NANOGNB: variants seen among roughly 807,000 people sequenced by gnomAD.
The protein encoded by NANOGNB is homeobox C14.
In NANOGNB, 30 loss-of-function variants were observed where a neutral mutation model predicts 25.0. The ratio of observed to expected loss-of-function variants is 1.20; its 90% CI spans 0.90 to 1.63. The LOEUF (loss-of-function observed/expected upper bound fraction) is 1.63. NANOGNB is among the 40% of genes most tolerant of loss of function. The pLI is 0.00. For missense variants in NANOGNB, 200 were observed against 188.1 expected, an observed-to-expected ratio of 1.06 and a Z score of -0.37; for synonymous variants, 84 against 62.1, an observed-to-expected ratio of 1.35 and a Z score of -1.66.
chr12:7,769,024 TA>T (rs1381358372), intron 1 of NANOGNB, among the ~76,000 whole-genome samples: 1 of 152,106 alleles, frequency 6.6e-6, no homozygotes, highest in Non-Finnish European at 1.5e-5. Flanking sequence ...TCCAATCAGT[TA>T]AGGCTTTAAG....
At chr12:7,768,657 G>A (rs192514300) in intron 1 of NANOGNB, among the ~76,000 whole-genome samples, 1 of 151,298 alleles carries the variant, frequency 6.6e-6, no homozygotes, top group Non-Finnish European at 1.5e-5. Flanking sequence ...CTCAGCCTCC[G>A]GAGTAGCTGG....
chr12:7,766,739 G>A (rs1865249667), intron 1 of NANOGNB, among the ~76,000 whole-genome samples: 2 of 152,084 alleles, frequency 1.3e-5, no homozygotes, highest in African/African-American at 4.8e-5. Context: ...TGTTGGCCAG[G>A]CTGGTCCTGA....
intron 1 of NANOGNB, chr12:7,766,138 A>T (rs1476562770): frequency 1.3e-5 from 5 of 398,486 alleles, no homozygotes; most frequent in Admixed American, 8.8e-5. Context: ...GTGGAGAGAG[A>T]TCCCGATACT....
chr12:7,769,959 TA>T, intron 1 of NANOGNB, 23 bp from the exon 2 acceptor site: 1 of 1,470,546 alleles, frequency 6.8e-7, no homozygotes, highest in Non-Finnish European at 9.0e-7. Flanking sequence ...AGCTTGATTT[TA>T]TTCCACGGAT....
At chr12:7,773,687 T>C in intron 3 of NANOGNB, 113 bp from the exon 4 acceptor site, 1 of 449,644 alleles carries the variant, frequency 2.2e-6, no homozygotes, top group Non-Finnish European at 3.8e-6. Context: ...ATTGTGCCAT[T>C]GCACTCCAGC....
At chr12:7,766,880 GC>G (rs1865250944) in intron 1 of NANOGNB, among the ~76,000 whole-genome samples, 1 of 152,114 alleles carries the variant, frequency 6.6e-6, no homozygotes, top group Non-Finnish European at 1.5e-5. Context: ...TTGCTCTGTT[GC>G]CCAGGCTGGA....
At chr12:7,771,546 C>G (rs1862565473) in intron 3 of NANOGNB, among the ~76,000 whole-genome samples, 2 of 151,728 alleles carry the variant, frequency 1.3e-5, no homozygotes, top group African/African-American at 4.8e-5. Context: ...CAGCACTAGA[C>G]CGTATATAGA....
chr12:7,767,757 CTTT>C (rs59800416), intron 1 of NANOGNB, among the ~76,000 whole-genome samples: 1 of 136,842 alleles, frequency 7.3e-6, no homozygotes, highest in African/African-American at 2.7e-5. Context: ...CCTTTTTCCT[CTTT>C]TTTTTTTTTT....
At chr12:7,773,122 T>TG (rs1395095836) in intron 3 of NANOGNB, among the ~76,000 whole-genome samples, 6 of 149,400 alleles carry the variant, frequency 4.0e-5, no homozygotes, top group African/African-American at 7.4e-5. Context: ...CTGTGATAGT[T>TG]TTTTTTTTTT....
rs371824042 is a variant in NANOGNB at position 7,767,686 on chromosome 12, A to G, written c.103-2297A>G. ...TAGGTTTGCCTATGCTGGACATTTC[A>G]TATAAACAGAATCATACAATATATG... On this transcript the variant is annotated intron_variant, in intron 1 of 3. Transcript: ENST00000382119. 5.3e-5 allele frequency among the ~76,000 whole-genome samples: 8 copies of G among 151,892 alleles called. No individual in the cohort carries two copies. In the East Asian group the frequency reaches 1.2e-3, roughly 22 times the overall value.
intron 1 of NANOGNB, 51 bp downstream of exon 1, chr12:7,765,438 C>T (rs755176822): frequency 3.6e-4 from 127 of 349,100 alleles, no homozygotes; most frequent in Non-Finnish European, 5.9e-4. Flanking sequence ...GGCGTGGTGG[C>T]GGGCGCCTGT....
intron 3 of NANOGNB, among the ~76,000 whole-genome samples, chr12:7,771,477 C>T (rs7961207): frequency 0.23 from 34,732 of 152,056 alleles, 4,535 homozygotes; most frequent in Admixed American, 0.31. Flanking sequence ...CCTCGGCCTC[C>T]GAAAGTGCTG....
In NANOGNB at chr12:7,765,379, G is replaced by T. The variant is rs763011633; in HGVS notation, c.94G>T (p.Ala32Ser). 1.6e-5 allele frequency: 8 copies of T among 485,884 alleles called. No individual in the cohort carries two copies. The highest frequency in any genetic ancestry group is 7.1e-6 in the Non-Finnish European group (2 of 281,578). 30.1% of individuals were successfully genotyped at this position (485,884 alleles called of 1,614,324 possible). A position where few individuals can be genotyped will look rare whatever the true frequency, so the allele number is the denominator to read the frequency against. The stretch of plus-strand genomic sequence containing the variant: ...AGGTCAGGAAATCGAGACCATCTTG[G>T]CTAACAAGGTAAAACCCCGTTTCTA... ...SRGQEIETIL[A>S]NKKQSAMPWD... The change falls in exon 1 of 4, where the codon GCT becomes TCT. Residue 32 changes from alanine (A) to serine (S), a missense_variant. Transcript: ENST00000382119.
At chr12:7,767,950 C>T (rs954683449) in intron 1 of NANOGNB, among the ~76,000 whole-genome samples, 2 of 151,976 alleles carry the variant, frequency 1.3e-5, no homozygotes, top group African/African-American at 4.8e-5. Context: ...TGGGCTCAAG[C>T]AGTCCTCTCG....
chr12:7,770,008 A>C lies in NANOGNB; in HGVS notation c.128A>C (p.Gln43Pro). 6.6e-7 allele frequency: 1 copy of C among 1,519,522 alleles called. No homozygotes were observed. Among genetic ancestry groups the C allele is most frequent in the Non-Finnish European group, 8.8e-7 (1 of 1,138,252 alleles). The allele number at this position is 1,519,522 out of a possible 1,614,324, so 94.1% of individuals were successfully genotyped here. A position where few individuals can be genotyped will look rare whatever the true frequency, so the allele number is the denominator to read the frequency against. Residue 43 changes from glutamine (Q) to proline (P), a missense_variant, in exon 2 of 4, where the codon CAA (glutamine) becomes CCA (proline). Coordinates refer to ENST00000382119, the MANE Select transcript of NANOGNB (RefSeq NM_001145465.1). Reference protein sequence around the residue: ...NKKQSAMPWDQDPEQSTGNYS... With the variant: ...NKKQSAMPWDPDPEQSTGNYS... ...AAACAATCAGCTATGCCTTGGGATC[A>C]AGATCCAGAACAATCAACTGGAAAT...
Position 7,769,965 on chromosome 12 carries a change from A to G in NANOGNB, c.103-18A>G, listed in dbSNP as rs1865276568. 1 of 1,478,920 alleles carries G rather than the reference A, an allele frequency of 6.8e-7. No individual in the cohort carries two copies. Among genetic ancestry groups the G allele is most frequent in the Non-Finnish European group, 9.0e-7 (1 of 1,116,528 alleles). 91.6% of individuals were successfully genotyped at this position (1,478,920 alleles called of 1,614,324 possible). ...TTTAGCTGCAGCTTGATTTTATTCC[A>G]CGGATCTTTTTATACAGAAACAATC... On this transcript the variant is annotated intron_variant, in intron 1 of 3. Transcript: ENST00000382119.
At chr12:7,771,058 G>T (rs1865288337) in intron 3 of NANOGNB, among the ~76,000 whole-genome samples, 1 of 152,124 alleles carries the variant, frequency 6.6e-6, no homozygotes, top group South Asian at 2.1e-4. Context: ...TACAAATACA[G>T]ACATTAGCTT....
chr12:7,769,182 CAG>C (rs1592110071), intron 1 of NANOGNB, among the ~76,000 whole-genome samples: 2 of 151,996 alleles, frequency 1.3e-5, no homozygotes, highest in African/African-American at 4.8e-5. Context: ...TTTTTTGAGA[CAG>C]AGTCTGGCCC....
At chr12:7,772,337 G>A (rs960537957) in intron 3 of NANOGNB, among the ~76,000 whole-genome samples, 2 of 152,048 alleles carry the variant, frequency 1.3e-5, no homozygotes, top group Admixed American at 6.6e-5. Flanking sequence ...GAGTGCAGTG[G>A]CACAATCTCG....
Sources: allele counts gnomAD v4.1 joint callset (sites outside exome capture counted in the v4.1 genomes callset), GRCh38; gene constraint gnomAD v4.1.1; transcripts MANE v1.5; gene names NCBI Gene and HGNC (gene_info 2026-07-23, HGNC 2026-07-21).